Variants in WWOX observed in about 807,000 individuals in gnomAD.
The protein encoded by WWOX is WW domain containing oxidoreductase.
In WWOX, 69 loss-of-function variants were observed where a neutral mutation model predicts 46.2. The ratio of observed to expected loss-of-function variants is 1.49; its 90% CI spans 1.23 to 1.82. WWOX has a LOEUF of 1.82. Ranked by LOEUF, WWOX falls within the 40% of genes most tolerant of loss-of-function variation. The probability of loss-of-function intolerance (pLI) is 0.00; values close to 1 mark genes in which losing one functional copy is unlikely to be tolerated. For missense variants in WWOX, 919 were observed against 542.6 expected (o/e 1.69, Z -6.89); for synonymous variants, 359 against 202.6 (o/e 1.77, Z -6.56).
At chr16:79,171,914 C>T (rs989526224) in intron 8 of WWOX, among the ~76,000 whole-genome samples, 1 of 152,160 alleles carries the variant, frequency 6.6e-6, no homozygotes, top group Non-Finnish European at 1.5e-5. Context: ...ATTAGTGCAT[C>T]CTTTTAAGAT....
intron 8 of WWOX, among the ~76,000 whole-genome samples, chr16:79,004,886 G>T (rs1416654329): frequency 6.6e-6 from 1 of 152,080 alleles, no homozygotes; most frequent in African/African-American, 2.4e-5. Context: ...TTGTAATTTT[G>T]GGGGGGTTAA....
At position 78,703,916 on chromosome 16, in the gene WWOX, T is replaced by G. The variant is rs1321238766; in HGVS notation, c.1056+271164T>G. Among the ~76,000 whole-genome samples the G allele has an allele frequency of 2.6e-5, 4 of 152,232 alleles. No individual in the cohort carries two copies. In the East Asian group the frequency reaches 7.7e-4, roughly 29 times the overall value. ...AGTGGGAAAGAGTTTTGGAACTTAT[T>G]ATTTTTAAAAACTTGGTAAAAGATT... On this transcript the variant is annotated intron_variant, in intron 8 of 8. Coordinates refer to ENST00000566780, the MANE Select transcript of WWOX (RefSeq NM_016373.4).
intron 8 of WWOX, among the ~76,000 whole-genome samples, chr16:79,159,110 G>A (rs1449442186): frequency 6.6e-6 from 1 of 152,146 alleles, no homozygotes; most frequent in Admixed American, 6.5e-5. Flanking sequence ...TTAATTTCAT[G>A]TAAATTTCTC....
intron 8 of WWOX, among the ~76,000 whole-genome samples, chr16:78,471,359 C>G (rs1372559456): frequency 1.3e-5 from 2 of 152,210 alleles, no homozygotes; most frequent in Non-Finnish European, 2.9e-5. Flanking sequence ...ACAGGCATCT[C>G]TCACCTCATT....
intron 7 of WWOX, among the ~76,000 whole-genome samples, chr16:78,427,737 C>T (rs1567567282): frequency 6.6e-6 from 1 of 152,134 alleles, no homozygotes; most frequent in East Asian, 1.9e-4. Context: ...TTGATCATGC[C>T]ACTGCATTCC....
chr16:79,028,857 A>C (rs16949286), intron 8 of WWOX, among the ~76,000 whole-genome samples: 66,300 of 151,228 alleles, frequency 0.44, 15,440 homozygotes, highest in East Asian at 0.67. Flanking sequence ...AAGCATTCTG[A>C]AAACTGGGAA....
intron 8 of WWOX, among the ~76,000 whole-genome samples, chr16:78,595,717 A>G (rs747107940): frequency 1.5e-4 from 23 of 152,196 alleles, no homozygotes; most frequent in Admixed American, 2.0e-4. Context: ...TGCACTCAGT[A>G]CATCTATACA....
At chr16:78,927,907 C>G (rs907986602) in intron 8 of WWOX, among the ~76,000 whole-genome samples, 4 of 152,220 alleles carry the variant, frequency 2.6e-5, no homozygotes, top group Admixed American at 2.0e-4. Context: ...CTTACATATT[C>G]CTAGCCATTC....
chr16:78,840,075 T>G (rs371539607), intron 8 of WWOX, among the ~76,000 whole-genome samples: 64 of 152,352 alleles, frequency 4.2e-4, no homozygotes, highest in African/African-American at 1.4e-3. Flanking sequence ...AGTTAGCACA[T>G]GAGAACATGC....
intron 1 of WWOX, among the ~76,000 whole-genome samples, chr16:78,100,970 A>T (rs911442408): frequency 6.6e-6 from 1 of 151,908 alleles, no homozygotes; most frequent in Non-Finnish European, 1.5e-5. Flanking sequence ...AGAAACATGG[A>T]TGTAAATCTG....
chr16:78,774,499 T>TGG (rs1469226930), intron 8 of WWOX, among the ~76,000 whole-genome samples: 2 of 17,430 alleles, frequency 1.1e-4, no homozygotes, highest in African/African-American at 3.1e-4. Context: ...ACCCATTTTG[T>TGG]GTGTGTGTGT....
At chr16:78,443,167 T>A (rs1333214220) in intron 8 of WWOX, among the ~76,000 whole-genome samples, 4 of 142,682 alleles carry the variant, frequency 2.8e-5, no homozygotes, top group Admixed American at 7.0e-5. Flanking sequence ...AGGCTGTGTG[T>A]GGTGACTCGT....
At chr16:79,032,122 G>C (rs894152155) in intron 8 of WWOX, among the ~76,000 whole-genome samples, 40 of 143,846 alleles carry the variant, frequency 2.8e-4, no homozygotes, top group African/African-American at 9.8e-4. Context: ...ATAAATATGT[G>C]TATATATATA....
At chr16:78,679,839 T>A (rs536687021) in intron 8 of WWOX, among the ~76,000 whole-genome samples, 1 of 152,222 alleles carries the variant, frequency 6.6e-6, no homozygotes, top group South Asian at 2.1e-4. Context: ...TCAACTGTTT[T>A]AGGGGCCATG....
intron 8 of WWOX, among the ~76,000 whole-genome samples, chr16:79,013,338 A>G (rs2047350246): frequency 6.6e-6 from 1 of 152,202 alleles, no homozygotes; most frequent in Admixed American, 6.5e-5. Flanking sequence ...AGTGGTGAGT[A>G]GTACAGGGAT....
chr16:78,355,904 T>G lies in WWOX; in HGVS notation c.517-30956T>G. 4 of 385,834 alleles carry G rather than the reference T, an allele frequency of 1.0e-5. No homozygotes were observed. The South Asian group carries it at 1.1e-4, about 10-fold the overall frequency. The allele number at this position is 385,834 out of a possible 1,614,324, so 23.9% of individuals were successfully genotyped here. A position where few individuals can be genotyped will look rare whatever the true frequency, so the allele number is the denominator to read the frequency against. On this transcript the variant is annotated intron_variant, in intron 5 of 8. Transcript: ENST00000566780. ...TGGCCTCTCTAAATGTGCAAGATAT[T>G]CAAAAGAGAAACCCGCATACATTTG...
chr16:78,397,037 T>C (rs1432061736), intron 6 of WWOX, among the ~76,000 whole-genome samples: 1 of 152,170 alleles, frequency 6.6e-6, no homozygotes, highest in African/African-American at 2.4e-5. Flanking sequence ...GAAAATGGGT[T>C]ATGTTAGGTC....
chr16:78,216,408 C>G (rs2036722913), intron 5 of WWOX, among the ~76,000 whole-genome samples: 1 of 152,126 alleles, frequency 6.6e-6, no homozygotes. Flanking sequence ...AGTGTAGCAC[C>G]TAAACAACAC....
At chr16:78,144,523 ATTTT>A (rs138841166) in intron 4 of WWOX, among the ~76,000 whole-genome samples, 22 of 18,630 alleles carry the variant, frequency 1.2e-3, no homozygotes, top group East Asian at 7.9e-3. Context: ...ATATATATAT[ATTTT>A]TTTTTTTTTT....
Sources: allele counts gnomAD v4.1 joint callset (sites outside exome capture counted in the v4.1 genomes callset), GRCh38; gene constraint gnomAD v4.1.1; transcripts MANE v1.5; gene names NCBI Gene and HGNC (gene_info 2026-07-23, HGNC 2026-07-21).